Variants in SPIN1 observed in about 807,000 individuals in gnomAD.
SPIN1 encodes spindlin 1.
SPIN1 carries 3 observed loss-of-function variants against 26.0 expected under a neutral mutation model. The ratio of observed to expected loss-of-function variants is 0.12; its 90% CI spans 0.05 to 0.30. The LOEUF is 0.30. SPIN1 is among the 10% of genes least tolerant of loss of function. The pLI is 1.00. For synonymous variants in SPIN1, 101 were observed against 116.5 expected (o/e 0.87, Z 0.86); for missense variants, 126 against 333.4 (o/e 0.38, Z 4.84).
At chr9:88,398,275 A>G (rs999194269) in intron 1 of SPIN1, among the ~76,000 whole-genome samples, 1 of 151,558 alleles carries the variant, frequency 6.6e-6, no homozygotes. Flanking sequence ...AATTTTTTTG[A>G]CTTTTCTGCA....
chr9:88,429,688 G>T (rs1037491210), intron 2 of SPIN1, among the ~76,000 whole-genome samples: 11 of 152,134 alleles, frequency 7.2e-5, no homozygotes, highest in African/African-American at 2.4e-4. Flanking sequence ...GTCTTTTGTG[G>T]TTTTTATGGA....
intron 1 of SPIN1, among the ~76,000 whole-genome samples, chr9:88,397,524 T>A (rs1007955383): frequency 6.6e-6 from 1 of 152,126 alleles, no homozygotes; most frequent in Non-Finnish European, 1.5e-5. Context: ...AGCATCACTT[T>A]TAATGAAATT....
chr9:88,468,637 T>C (rs1265858015), intron 5 of SPIN1, 32 bp downstream of exon 5: 1 of 1,323,556 alleles, frequency 7.6e-7, no homozygotes, highest in South Asian at 2.3e-5. Flanking sequence ...TTATATGTGA[T>C]AATTAGAAGG....
chr9:88,405,067 G>A lies in SPIN1; in HGVS notation c.-159+16529G>A, dbSNP rs141662817. Among the ~76,000 whole-genome samples the A allele has an allele frequency of 7.4e-3, 1,132 of 152,190 alleles. 12 individuals carry two copies. Among genetic ancestry groups the A allele is most frequent in the African/African-American group, 0.025 (1,049 of 41,526 alleles). On this transcript the variant is annotated intron_variant, in intron 1 of 5. Coordinates refer to ENST00000375859, the MANE Select transcript of SPIN1 (RefSeq NM_006717.3). The stretch of plus-strand genomic sequence containing the variant: ...TATGATAACAGTACTTTCTTCTGGA[G>A]TACCTCCTGAAGGACCTGCCTGAGG...
intron 2 of SPIN1, among the ~76,000 whole-genome samples, chr9:88,435,069 T>G (rs955497173): frequency 6.6e-6 from 1 of 151,334 alleles, no homozygotes; most frequent in African/African-American, 2.4e-5. Context: ...AAAAAAAAGC[T>G]TATCTTTGTC....
intron 1 of SPIN1, among the ~76,000 whole-genome samples, chr9:88,390,679 T>G (rs1216991548): frequency 1.3e-5 from 2 of 152,246 alleles, no homozygotes; most frequent in African/African-American, 2.4e-5. Flanking sequence ...ATCAACTATT[T>G]CGTGCAAGTA....
intron 1 of SPIN1, chr9:88,410,852 GACC>G (rs1271888513): frequency 4.4e-6 from 4 of 917,598 alleles, no homozygotes; most frequent in Non-Finnish European, 7.2e-6. Context: ...CCACCTCCAC[GACC>G]ACCACGTTTC....
rs1587820737 is a variant in SPIN1, at chr9:88,475,726, G to A, written c.*449G>A. ...ATATAATATATACACACAGATACAA[G>A]TGTACACACACACACCACACACCAC... On this transcript the variant is annotated 3_prime_UTR_variant, in exon 6 of 6. Transcript: ENST00000375859. 1 of 155,980 alleles carries A rather than the reference G, an allele frequency of 6.4e-6. No individual in the cohort carries two copies. The highest frequency in any genetic ancestry group is 1.9e-4 in the East Asian group (1 of 5,276). 9.7% of individuals were successfully genotyped at this position (155,980 alleles called of 1,614,324 possible). A position where few individuals can be genotyped will look rare whatever the true frequency, so the allele number is the denominator to read the frequency against.
chr9:88,395,311 C>T (rs1298153248), intron 1 of SPIN1, among the ~76,000 whole-genome samples: 1 of 151,660 alleles, frequency 6.6e-6, no homozygotes, highest in African/African-American at 2.4e-5. Flanking sequence ...TTTTTGTTTC[C>T]CTTTCCTACA....
chr9:88,426,105 C>G (rs972456621), intron 1 of SPIN1, among the ~76,000 whole-genome samples: 1 of 152,184 alleles, frequency 6.6e-6, no homozygotes, highest in African/African-American at 2.4e-5. Context: ...GGATGTCAGA[C>G]AGCAGCTGTA....
chr9:88,389,670 C>T lies in SPIN1; in HGVS notation c.-159+1132C>T, dbSNP rs74736441. Among the ~76,000 whole-genome samples, 420 of 150,332 alleles carry T rather than the reference C, an allele frequency of 2.8e-3. 2 individuals carry two copies. Among genetic ancestry groups the T allele is most frequent in the African/African-American group, 9.9e-3 (395 of 39,734 alleles). On this transcript the variant is annotated intron_variant, in intron 1 of 5. Transcript: ENST00000375859. ...AGGATTTCACTCTACATGACTTGTG[C>T]CAGAGACGACACACGTACCAAAACG... is the stretch of plus-strand genomic sequence containing the variant.
intron 3 of SPIN1, among the ~76,000 whole-genome samples, chr9:88,460,947 T>G (rs1192760998): frequency 6.6e-6 from 1 of 152,262 alleles, no homozygotes; most frequent in African/African-American, 2.4e-5. Flanking sequence ...TTTCATCTAC[T>G]TAATGAGCCT....
chr9:88,410,188 T>TGTGC (rs4029765), intron 1 of SPIN1, among the ~76,000 whole-genome samples: 2,240 of 142,946 alleles, frequency 0.016, 63 homozygotes, highest in African/African-American at 0.058. Context: ...TGTGTGTGTG[T>TGTGC]GCAACTTTTT....
intron 1 of SPIN1, among the ~76,000 whole-genome samples, chr9:88,399,490 G>C (rs747183319): frequency 1.3e-5 from 2 of 152,198 alleles, no homozygotes; most frequent in Non-Finnish European, 2.9e-5. Context: ...AGTTCTAGTT[G>C]CCTTTGTTCC....
At chr9:88,453,987 A>T (rs532017081) in intron 3 of SPIN1, among the ~76,000 whole-genome samples, 4 of 152,222 alleles carry the variant, frequency 2.6e-5, no homozygotes, top group Non-Finnish European at 5.9e-5. Flanking sequence ...ATACCGGTTT[A>T]TCCCTAATGA....
Position 88,426,457 on chromosome 9 carries a change from C to A in SPIN1, c.-83C>A. On this transcript the variant is annotated 5_prime_UTR_variant, in exon 2 of 6. Coordinates refer to ENST00000375859, the MANE Select transcript of SPIN1 (RefSeq NM_006717.3). The stretch of plus-strand genomic sequence containing the variant: ...GATGGTGGATTAACCAGAACACTAA[C>A]ATTCTGTGAAAAGTTTCAAATTGGA... 1 of 1,146,000 alleles carries A rather than the reference C, an allele frequency of 8.7e-7. No homozygotes were observed. The highest frequency in any genetic ancestry group is 1.3e-6 in the Non-Finnish European group (1 of 773,744). 71.0% of individuals were successfully genotyped at this position (1,146,000 alleles called of 1,614,324 possible). A position where few individuals can be genotyped will look rare whatever the true frequency, so the allele number is the denominator to read the frequency against.
chr9:88,461,384 C>T (rs2118185110), intron 3 of SPIN1, among the ~76,000 whole-genome samples: 1 of 152,208 alleles, frequency 6.6e-6, no homozygotes, highest in Admixed American at 6.5e-5. Flanking sequence ...AGTTTTTCAC[C>T]CCCAGGAGAG....
chr9:88,397,735 C>A (rs1159677588), intron 1 of SPIN1, among the ~76,000 whole-genome samples: 1 of 151,962 alleles, frequency 6.6e-6, no homozygotes, highest in African/African-American at 2.4e-5. Flanking sequence ...AATTCTCACT[C>A]CTCAGTCTCC....
intron 2 of SPIN1, among the ~76,000 whole-genome samples, chr9:88,445,867 T>C (rs1828240623): frequency 6.6e-6 from 1 of 152,132 alleles, no homozygotes; most frequent in African/African-American, 2.4e-5. Flanking sequence ...CAGAAATATG[T>C]ATCTGAGTGA....
Sources: gnomAD v4.1 joint callset for allele counts (sites outside exome capture counted in the v4.1 genomes callset) on GRCh38, gnomAD v4.1.1 for gene constraint, MANE v1.5 for transcripts, NCBI Gene and HGNC (gene_info 2026-07-23, HGNC 2026-07-21) for gene names.